C1orf216: variants seen among roughly 807,000 people sequenced by gnomAD.
C1orf216 encodes the protein chromosome 1 open reading frame 216.
Under a neutral mutation model 16.4 loss-of-function variants are expected in C1orf216, and 18 were observed. The observed-to-expected ratio is 1.10, with a 90% CI of 0.76 to 1.63. The LOEUF (loss-of-function observed/expected upper bound fraction) is 1.63, where lower values mean the gene tolerates loss of function less well. C1orf216 is among the 40% of genes most tolerant of loss of function. C1orf216 has a pLI of 0.00. For synonymous variants in C1orf216, 115 were observed against 116.9 expected, an observed-to-expected ratio of 0.98 and a Z score of 0.11; for missense variants, 271 against 297.6, an observed-to-expected ratio of 0.91 and a Z score of 0.66.
rs200532789 is a variant in C1orf216 at position 35,716,350 on chromosome 1, G to A, written c.-5-24C>T. On this transcript the variant is annotated intron_variant, in intron 1 of 1. Transcript: ENST00000270815. The stretch of plus-strand genomic sequence containing the variant: ...GCCTGTAAAGGGAAAGCAGGAGACC[G>A]AGTCACAGTAGGACAGGGTGGGGTG... 1.3e-5 allele frequency: 20 copies of A among 1,578,350 alleles called. No homozygotes were observed. In the East Asian group the frequency reaches 2.0e-4, roughly 16 times the overall value.
chr1:35,718,017 C>A (rs1435280279), intron 1 of C1orf216, among the ~76,000 whole-genome samples: 1 of 152,166 alleles, frequency 6.6e-6, no homozygotes, highest in Non-Finnish European at 1.5e-5. Context: ...TTCTTCTGAG[C>A]CTGCCCCCTT....
Position 35,716,155 on chromosome 1 carries a change from A to G in C1orf216, c.167T>C (p.Ile56Thr), listed in dbSNP as rs1449069411. 1.2e-6 allele frequency: 2 copies of G among 1,614,194 alleles called. No individual in the cohort carries two copies. Among genetic ancestry groups the G allele is most frequent in the Non-Finnish European group, 1.7e-6 (2 of 1,180,010 alleles). ...TGACTCAGAGGAGCTCCTCCTCAGGATAGGTTCCACTCTGCCTGGCATCCC... is the reference window on the plus strand; with the variant it reads ...TGACTCAGAGGAGCTCCTCCTCAGGGTAGGTTCCACTCTGCCTGGCATCCC... The part of the protein sequence containing the change: ...WHGMPGRVEP[I>T]LRRSSSESPS... The change falls in exon 2 of 2, where the codon ATC (isoleucine) becomes ACC (threonine). Residue 56 changes from isoleucine (I) to threonine (T), a missense_variant. Ile to Thr is a moderately conservative substitution (Grantham distance 89). Around this residue, in one of 3 missense-constraint regions of C1orf216, gnomAD observed 220 missense variants for 227.8 expected, o/e 0.97. Coordinates refer to ENST00000270815, the MANE Select transcript of C1orf216 (RefSeq NM_152374.2).
rs755094183 is a variant in C1orf216, at chr1:35,716,043, A to T, written c.279T>A (p.Ala93=). The T allele has an allele frequency of 1.2e-6, 2 of 1,613,990 alleles. No homozygotes were observed. The highest frequency in any genetic ancestry group is 2.7e-5 in the African/African-American group (2 of 74,940). The part of the protein sequence containing the change: ...SPPEGAEIPG[A]EPEKMGGAGT... ...CAGCACCACCCATCTTCTCAGGCTC[A>T]GCCCCGGGAATCTCTGCCCCCTCTG... Residue 93 remains alanine (A), a synonymous_variant, in exon 2 of 2, where the codon GCT becomes GCA. Coordinates refer to ENST00000270815, the MANE Select transcript of C1orf216 (RefSeq NM_152374.2).
At position 35,715,908 on chromosome 1, in the gene C1orf216, G is replaced by C; in HGVS notation, c.414C>G (p.Gly138=). ...EPACGTPRGP[G]PPDPLLPSVA... ...CTGAGGGCAGAAGGGGATCGGGAGG[G>C]CCAGGGCCTCGCGGGGTCCCACAGG... The change falls in exon 2 of 2, where the codon GGC becomes GGG. Residue 138 remains glycine (G), a synonymous_variant. Transcript: ENST00000270815. This position sits in a 1 kb window ranked among gnomAD's most constrained non-coding sequence, Gnocchi z 4.3. 2 of 1,614,210 alleles carry C rather than the reference G, an allele frequency of 1.2e-6. No homozygotes were observed. The highest frequency in any genetic ancestry group is 1.3e-5 in the African/African-American group (1 of 75,062).
chr1:35,716,051 G>C lies in C1orf216; in HGVS notation c.271C>G (p.Pro91Ala), dbSNP rs563604914. ...CCCATCTTCTCAGGCTCAGCCCCGG[G>C]AATCTCTGCCCCCTCTGGGGGGCTG... ...VRSPPEGAEI[P>A]GAEPEKMGGA... The change falls in exon 2 of 2, where the codon CCC becomes GCC. Residue 91 changes from proline (P) to alanine (A), a missense_variant. Around this residue, in one of 3 missense-constraint regions of C1orf216, gnomAD observed 220 missense variants for 227.8 expected, o/e 0.97. Transcript: ENST00000270815. The C allele has an allele frequency of 1.2e-6, 2 of 1,614,078 alleles. No individual in the cohort carries two copies. The highest frequency in any genetic ancestry group is 1.7e-6 in the Non-Finnish European group (2 of 1,180,020).
rs747454281 is a variant in C1orf216 at position 35,714,298 on chromosome 1, T to C, written c.*1334A>G. 1 of 151,980 alleles carries C rather than the reference T, an allele frequency of 6.6e-6. No individual in the cohort carries two copies. Among genetic ancestry groups the C allele is most frequent in the Non-Finnish European group, 1.5e-5 (1 of 68,026 alleles). 9.4% of individuals were successfully genotyped at this position (151,980 alleles called of 1,614,324 possible). ...AAGGGCCATGCAGTGAAAGAAGGGGTTAAAATTCAGCATCCTAAGCATCTC... is the reference window on the plus strand; with the variant it reads ...AAGGGCCATGCAGTGAAAGAAGGGGCTAAAATTCAGCATCCTAAGCATCTC... On this transcript the variant is annotated 3_prime_UTR_variant, in exon 2 of 2. Transcript: ENST00000270815.
rs1252268146 is a variant in C1orf216 at position 35,715,821 on chromosome 1, C to T, written c.501G>A (p.Lys167=). The T allele has an allele frequency of 1.9e-6, 3 of 1,614,124 alleles. No homozygotes were observed. Among genetic ancestry groups the T allele is most frequent in the African/African-American group, 2.7e-5 (2 of 74,948 alleles). ...QERYKEQEKE[K]HHVHLVMYRR... is the part of the protein sequence containing the mutation. The stretch of plus-strand genomic sequence containing the variant: ...GGTACATCACCAAGTGCACGTGGTG[C>T]TTTTCCTTCTCCTGCTCTTTGTAGC... The change falls in exon 2 of 2, where the codon AAG becomes AAA. Residue 167 remains lysine, a synonymous_variant. Coordinates refer to ENST00000270815, the MANE Select transcript of C1orf216 (RefSeq NM_152374.2). This position sits in a 1 kb window ranked among gnomAD's most constrained non-coding sequence, Gnocchi z 4.3.
chr1:35,718,539 C>T (rs890620191), intron 1 of C1orf216, among the ~76,000 whole-genome samples, 168 bp downstream of exon 1: 1 of 152,210 alleles, frequency 6.6e-6, no homozygotes, highest in Non-Finnish European at 1.5e-5. Flanking sequence ...TAGGTCTCCG[C>T]CCAAACAGGA....
chr1:35,715,816 T>C lies in C1orf216; in HGVS notation c.506A>G (p.His169Arg). The change falls in exon 2 of 2, where the codon CAC becomes CGC. Residue 169 changes from histidine to arginine, a missense_variant. His to Arg is a conservative substitution (Grantham distance 29, BLOSUM62 0). This residue lies in a region of C1orf216 where 220 missense variants were observed against 227.8 expected (regional missense o/e 0.97). Transcript: ENST00000270815. The surrounding 1 kb of genome is among the most constrained non-coding windows in gnomAD (Gnocchi z 4.3). ...RYKEQEKEKH[H>R]VHLVMYRRLA... ...GCGACGGTACATCACCAAGTGCACG[T>C]GGTGCTTTTCCTTCTCCTGCTCTTT... is the stretch of plus-strand genomic sequence containing the variant. 1.9e-6 allele frequency: 3 copies of C among 1,614,212 alleles called. No homozygotes were observed. Among genetic ancestry groups the C allele is most frequent in the Non-Finnish European group, 1.7e-6 (2 of 1,180,024 alleles).
rs146287169 is a variant in C1orf216, at chr1:35,715,919, G to C, written c.403C>G (p.Arg135Gly). The C allele has an allele frequency of 1.2e-6, 2 of 1,614,156 alleles. No individual in the cohort carries two copies. The highest frequency in any genetic ancestry group is 4.5e-5 in the East Asian group (2 of 44,888). The change falls in exon 2 of 2, where the codon CGA becomes GGA. Residue 135 changes from arginine to glycine, a missense_variant. This residue lies in a region of C1orf216 where 220 missense variants were observed against 227.8 expected (regional missense o/e 0.97). Transcript: ENST00000270815. The surrounding 1 kb of genome is among the most constrained non-coding windows in gnomAD (Gnocchi z 4.3). ...AGGGGATCGGGAGGGCCAGGGCCTC[G>C]CGGGGTCCCACAGGCAGGCTCAGGA... ...SSPEPACGTP[R>G]GPGPPDPLLP...
intron 1 of C1orf216, among the ~76,000 whole-genome samples, chr1:35,717,404 T>C (rs138381789): frequency 6.6e-6 from 1 of 152,202 alleles, no homozygotes; most frequent in East Asian, 1.9e-4. Context: ...AAACACACCA[T>C]TGTTTTTCTT....
At chr1:35,716,413 G>C (rs1229875356) in intron 1 of C1orf216, 87 bp from the exon 2 acceptor site, 1 of 1,180,198 alleles carries the variant, frequency 8.5e-7, no homozygotes, top group African/African-American at 1.5e-5. Context: ...GGACAAGGCT[G>C]CAAGCAAGAG....
intron 1 of C1orf216, 143 bp from the exon 2 acceptor site, chr1:35,716,469 T>C (rs1457277628): frequency 2.8e-6 from 2 of 703,930 alleles, no homozygotes; most frequent in Admixed American, 3.0e-5. Flanking sequence ...CTGGTAACAC[T>C]TCCCTTCGTG....
At chr1:35,718,524 A>C (rs1230912638) in intron 1 of C1orf216, among the ~76,000 whole-genome samples, 183 bp downstream of exon 1, 1 of 152,164 alleles carries the variant, frequency 6.6e-6, no homozygotes, top group East Asian at 1.9e-4. Context: ...CCGACACGCC[A>C]GGACTAGGTC....
At chr1:35,718,221 G>A (rs531247607) in intron 1 of C1orf216, among the ~76,000 whole-genome samples, 2 of 152,286 alleles carry the variant, frequency 1.3e-5, no homozygotes, top group African/African-American at 4.8e-5. Flanking sequence ...AACAATTGAA[G>A]AGCATGAAGA....
Position 35,715,784 on chromosome 1 carries a change from G to T in C1orf216, c.538C>A (p.Leu180Met). 6.2e-7 allele frequency: 1 copy of T among 1,614,240 alleles called. No individual in the cohort carries two copies. Among genetic ancestry groups the T allele is most frequent in the Non-Finnish European group, 8.5e-7 (1 of 1,180,046 alleles). ...TGCAGGCCCCGGATCCACTGGAGCA[G>T]TGCCAGGCGACGGTACATCACCAAG... ...VHLVMYRRLA[L>M]LQWIRGLQHQ... The change falls in exon 2 of 2, where the codon CTG becomes ATG. Residue 180 changes from leucine (L) to methionine (M), a missense_variant. Transcript: ENST00000270815. This position sits in a 1 kb window ranked among gnomAD's most constrained non-coding sequence, Gnocchi z 4.3.
At position 35,715,441 on chromosome 1, in the gene C1orf216, G is replaced by A. The variant is rs1178194905; in HGVS notation, c.*191C>T. On this transcript the variant is annotated 3_prime_UTR_variant, in exon 2 of 2. Transcript: ENST00000270815. The surrounding 1 kb of genome is among the most constrained non-coding windows in gnomAD (Gnocchi z 4.3). Reference sequence around the variant, plus strand: ...AGATAAATTAGCTGTGTGTACACATGTGCACACAGCACACTTAAGCTCATT... The same window carrying A: ...AGATAAATTAGCTGTGTGTACACATATGCACACAGCACACTTAAGCTCATT... 1.6e-5 allele frequency: 10 copies of A among 639,466 alleles called. No homozygotes were observed. The highest frequency in any genetic ancestry group is 8.0e-6 in the Non-Finnish European group (3 of 373,518). The allele number at this position is 639,466 out of a possible 1,614,324, so 39.6% of individuals were successfully genotyped here. A position where few individuals can be genotyped will look rare whatever the true frequency, so the allele number is the denominator to read the frequency against.
In C1orf216 at chr1:35,715,631, CT is replaced by C; in HGVS notation, c.690del (p.Ter230=). The C allele has an allele frequency of 6.2e-7, 1 of 1,610,656 alleles. No individual in the cohort carries two copies. The highest frequency in any genetic ancestry group is 8.5e-7 in the Non-Finnish European group (1 of 1,177,998). On this transcript the variant is annotated frameshift_variant and stop_lost, in exon 2 of 2. Coordinates refer to ENST00000270815, the MANE Select transcript of C1orf216 (RefSeq NM_152374.2). LOFTEE classifies it high-confidence loss of function. This position sits in a 1 kb window ranked among gnomAD's most constrained non-coding sequence, Gnocchi z 4.3. ...AAPSRPQDQA[*>X] ...CCTTGCACACTTGTGGAGGCACACC[CT>C]TAGGCCTGGTCCTGGGGCCTGGATG...
chr1:35,718,160 A>G (rs1186552909), intron 1 of C1orf216, among the ~76,000 whole-genome samples: 1 of 152,192 alleles, frequency 6.6e-6, no homozygotes, highest in Non-Finnish European at 1.5e-5. Flanking sequence ...AACCAAAATT[A>G]GGATTTGAAC....
Sources: allele counts gnomAD v4.1 joint callset (sites outside exome capture counted in the v4.1 genomes callset), GRCh38; gene constraint gnomAD v4.1.1; regional missense constraint gnomAD v4.1.1; non-coding constraint Gnocchi (gnomAD v3.1); transcripts MANE v1.5; gene names NCBI Gene and HGNC (gene_info 2026-07-23, HGNC 2026-07-21).